NOS1AP: variants seen among roughly 807,000 people sequenced by gnomAD.
NOS1AP encodes carboxyl-terminal PDZ ligand of neuronal nitric oxide synthase protein.
In NOS1AP, 21 loss-of-function variants were observed where a neutral mutation model predicts 56.2. The observed-to-expected ratio is 0.37, with a 90% confidence interval of 0.26 to 0.54. The LOEUF (loss-of-function observed/expected upper bound fraction) is 0.54. Ranked by LOEUF, NOS1AP falls within the 20% of genes least tolerant of loss-of-function variation. The probability of loss-of-function intolerance (pLI) is 0.84; values close to 1 mark genes in which losing one functional copy is unlikely to be tolerated. For synonymous variants in NOS1AP, 270 were observed against 274.6 expected (o/e 0.98, Z 0.17); for missense variants, 522 against 657.8 (o/e 0.79, Z 2.26).
chr1:162,289,575 C>T (rs921808652), intron 3 of NOS1AP, among the ~76,000 whole-genome samples: 31 of 144,638 alleles, frequency 2.1e-4, no homozygotes, highest in African/African-American at 6.7e-4. Context: ...CCCGGGTTCA[C>T]GCCATTCTCC....
chr1:162,142,277 G>A (rs1312210423), intron 1 of NOS1AP, among the ~76,000 whole-genome samples: 1 of 152,152 alleles, frequency 6.6e-6, no homozygotes, highest in East Asian at 1.9e-4. Context: ...GACAAGAGTG[G>A]ACATCCTTAT....
chr1:162,226,762 G>T (rs1294836912), intron 2 of NOS1AP, among the ~76,000 whole-genome samples: 1 of 152,182 alleles, frequency 6.6e-6, no homozygotes, highest in Non-Finnish European at 1.5e-5. Flanking sequence ...TCTGCTGCTA[G>T]TTAGAGAACA....
In NOS1AP at chr1:162,257,831, A is replaced by G. The variant is rs1243363820; in HGVS notation, c.178-29513A>G. Among the ~76,000 whole-genome samples the G allele has an allele frequency of 6.6e-5, 10 of 152,092 alleles. 1 individual carries two copies. In the East Asian group the frequency reaches 1.7e-3, roughly 26 times the overall value. On this transcript the variant is annotated intron_variant, in intron 2 of 9. Coordinates refer to ENST00000361897, the MANE Select transcript of NOS1AP (RefSeq NM_014697.3). ...TATGGGCCACAGTGAGTGTAACCCA[A>G]AGTTCCTGGACCTGGCTTAGCCTTT...
intron 2 of NOS1AP, among the ~76,000 whole-genome samples, chr1:162,223,117 T>C (rs139727927): frequency 1.4e-4 from 22 of 152,382 alleles, no homozygotes; most frequent in African/African-American, 5.0e-4. Context: ...AAACTCATTC[T>C]GAAATTATAT....
intron 1 of NOS1AP, among the ~76,000 whole-genome samples, chr1:162,091,346 T>C (rs1692127162): frequency 6.6e-6 from 1 of 152,204 alleles, no homozygotes; most frequent in Admixed American, 6.5e-5. Context: ...AGGTTCATCA[T>C]ATGCCCCATT....
At chr1:162,100,509 G>A (rs1692360512) in intron 1 of NOS1AP, among the ~76,000 whole-genome samples, 1 of 152,132 alleles carries the variant, frequency 6.6e-6, no homozygotes, top group Admixed American at 6.5e-5. Context: ...ATTTGTTTGA[G>A]TTCATTGTAG....
At position 162,213,477 on chromosome 1, in the gene NOS1AP, T is replaced by A. The variant is rs183141693; in HGVS notation, c.177+59001T>A. 5.3e-5 allele frequency among the ~76,000 whole-genome samples: 8 copies of A among 152,326 alleles called. No homozygotes were observed. The East Asian group carries it at 9.6e-4, about 18-fold the overall frequency. On this transcript the variant is annotated intron_variant, in intron 2 of 9. Transcript: ENST00000361897. ...GCCAAATACAAGAAGCAGAGACCTT[T>A]CACCTTCACCTGAGCTGTGTGCTTT...
chr1:162,108,663 A>G (rs984324417), intron 1 of NOS1AP, among the ~76,000 whole-genome samples: 6 of 152,188 alleles, frequency 3.9e-5, no homozygotes, highest in Non-Finnish European at 7.3e-5. Flanking sequence ...ACATGAAAAA[A>G]TATTGCCAAA....
intron 3 of NOS1AP, among the ~76,000 whole-genome samples, chr1:162,289,215 T>TCCTTCCTTC (rs1655190654): frequency 5.0e-5 from 1 of 19,846 alleles, no homozygotes; most frequent in East Asian, 9.7e-4. Flanking sequence ...TTCCTTTCCT[T>TCCTTCCTTC]CCTTCCTTCC....
chr1:162,202,727 A>G (rs1358067284), intron 2 of NOS1AP, among the ~76,000 whole-genome samples: 6 of 152,248 alleles, frequency 3.9e-5, no homozygotes, highest in South Asian at 2.1e-4. Context: ...ATATATGTAT[A>G]TATAGTTTTA....
intron 6 of NOS1AP, among the ~76,000 whole-genome samples, chr1:162,344,702 C>G (rs1233273330): frequency 8.1e-6 from 1 of 123,340 alleles, no homozygotes; most frequent in Non-Finnish European, 1.7e-5. Flanking sequence ...CAGAGCTAGG[C>G]TGCCTCAAAA....
At chr1:162,181,687 C>A (rs961585637) in intron 2 of NOS1AP, among the ~76,000 whole-genome samples, 3 of 152,188 alleles carry the variant, frequency 2.0e-5, no homozygotes, top group African/African-American at 7.2e-5. Context: ...TGGATGCTTC[C>A]TGATGGCCAG....
intron 2 of NOS1AP, among the ~76,000 whole-genome samples, chr1:162,169,159 C>T (rs1650645759): frequency 6.6e-6 from 1 of 152,256 alleles, no homozygotes. Context: ...CTCTGCCTTT[C>T]CTTGCCAAAT....
chr1:162,366,807 A>C (rs1658099671), intron 9 of NOS1AP: 4 of 598,616 alleles, frequency 6.7e-6, no homozygotes, highest in African/African-American at 1.9e-5. Context: ...TACCAGAACC[A>C]TCATATGGTT....
chr1:162,320,715 G>A (rs570807063), intron 4 of NOS1AP, among the ~76,000 whole-genome samples: 11 of 152,100 alleles, frequency 7.2e-5, no homozygotes, highest in South Asian at 2.1e-4. Context: ...TTAGCTGAGC[G>A]TGGTGGCGCG....
At chr1:162,204,098 T>G (rs1236722793) in intron 2 of NOS1AP, among the ~76,000 whole-genome samples, 2 of 152,240 alleles carry the variant, frequency 1.3e-5, no homozygotes, top group East Asian at 3.8e-4. Context: ...CCATTTGTGC[T>G]GCTTCAACCC....
intron 2 of NOS1AP, among the ~76,000 whole-genome samples, chr1:162,267,040 C>T (rs1654445550): frequency 6.6e-6 from 1 of 152,152 alleles, no homozygotes; most frequent in South Asian, 2.1e-4. Context: ...TTGTCTGACC[C>T]TATTTGCCTG....
chr1:162,290,571 G>A (rs184474409), intron 3 of NOS1AP, among the ~76,000 whole-genome samples: 1 of 152,312 alleles, frequency 6.6e-6, no homozygotes, highest in Non-Finnish European at 1.5e-5. Flanking sequence ...TCATGATTAG[G>A]TTAAGAACTA....
At chr1:162,248,702 G>A (rs1222284183) in intron 2 of NOS1AP, among the ~76,000 whole-genome samples, 1 of 152,098 alleles carries the variant, frequency 6.6e-6, no homozygotes, top group African/African-American at 2.4e-5. Flanking sequence ...TCCAACAGAT[G>A]AGTGTCGGTC....
Sources: gnomAD v4.1 joint callset for allele counts (sites outside exome capture counted in the v4.1 genomes callset) on GRCh38, gnomAD v4.1.1 for gene constraint, MANE v1.5 for transcripts, NCBI Gene and HGNC (gene_info 2026-07-23, HGNC 2026-07-21) for gene names.